HSD11B1: variants seen among roughly 807,000 people sequenced by gnomAD.
The protein encoded by HSD11B1 is 11-beta-hydroxysteroid dehydrogenase 1.
Under a neutral mutation model 22.1 loss-of-function variants are expected in HSD11B1, and 15 were observed. The ratio of observed to expected loss-of-function variants is 0.68; its 90% CI spans 0.45 to 1.04. The LOEUF (loss-of-function observed/expected upper bound fraction) is 1.04, where lower values mean the gene tolerates loss of function less well. Among genes scored for constraint, HSD11B1 ranks in the 50% least tolerant of loss-of-function variants. HSD11B1 has a pLI of 0.00. For synonymous variants in HSD11B1, 122 were observed against 125.2 expected, an observed-to-expected ratio of 0.97 and a Z score of 0.17; for missense variants, 281 against 357.6, an observed-to-expected ratio of 0.79 and a Z score of 1.73.
chr1:209,722,043 T>C (rs1024069140), intron 4 of HSD11B1, among the ~76,000 whole-genome samples: 3 of 151,994 alleles, frequency 2.0e-5, no homozygotes, highest in African/African-American at 7.2e-5. Flanking sequence ...TATCCAAGGG[T>C]GATTTAGGCT....
In HSD11B1 at chr1:209,705,143, G is replaced by A. The variant is rs568789035; in HGVS notation, c.88+113G>A. The A allele has an allele frequency of 2.2e-4, 188 of 852,008 alleles. 1 individual carries two copies. Among genetic ancestry groups the A allele is most frequent in the East Asian group, 3.0e-4 (12 of 40,442 alleles). The allele number at this position is 852,008 out of a possible 1,614,324, so 52.8% of individuals were successfully genotyped here. A position where few individuals can be genotyped will look rare whatever the true frequency, so the allele number is the denominator to read the frequency against. On this transcript the variant is annotated intron_variant, in intron 1 of 5. Transcript: ENST00000367027. ...GATCCTCAAAGTTGGTGAAAATGAG[G>A]GAACCCTGAGTTAAGATGGTATTTT...
chr1:209,691,831 A>T (rs1470571966), intron 1 of HSD11B1, among the ~76,000 whole-genome samples: 1 of 152,230 alleles, frequency 6.6e-6, no homozygotes, highest in Non-Finnish European at 1.5e-5. Flanking sequence ...CCTTAGCAGG[A>T]AATGAATAAG....
At chr1:209,714,427 C>CT (rs1400599370) in intron 4 of HSD11B1, among the ~76,000 whole-genome samples, 1 of 152,212 alleles carries the variant, frequency 6.6e-6, no homozygotes, top group African/African-American at 2.4e-5. Context: ...TCATTCATCT[C>CT]TGATTCCCTG....
chr1:209,706,072 T>C lies in HSD11B1; in HGVS notation c.219+131T>C. On this transcript the variant is annotated intron_variant, in intron 2 of 5. Transcript: ENST00000367027. The surrounding 1 kb of genome is among the most constrained non-coding windows in gnomAD (Gnocchi z 4.0). ...GAGGCACATGCACACACACAGACACTTAATTTTGCACTCTCATATATAGAT... is the reference window on the plus strand; with the variant it reads ...GAGGCACATGCACACACACAGACACCTAATTTTGCACTCTCATATATAGAT... The C allele has an allele frequency of 1.7e-6, 2 of 1,194,980 alleles. No individual in the cohort carries two copies. Among genetic ancestry groups the C allele is most frequent in the Non-Finnish European group, 2.4e-6 (2 of 819,760 alleles). The allele number at this position is 1,194,980 out of a possible 1,614,324, so 74.0% of individuals were successfully genotyped here.
chr1:209,707,179 A>T, intron 4 of HSD11B1, 51 bp downstream of exon 4: 7 of 1,416,454 alleles, frequency 4.9e-6, no homozygotes, highest in South Asian at 1.2e-5. Flanking sequence ...AAAAAATGCC[A>T]GGGATGATGC....
chr1:209,732,292 G>A (rs761378291), intron 4 of HSD11B1, 144 bp from the exon 5 acceptor site: 102 of 865,874 alleles, frequency 1.2e-4, no homozygotes, highest in Non-Finnish European at 1.7e-4. Context: ...ATTCAACACA[G>A]CAGTATAACT....
At position 209,719,019 on chromosome 1, in the gene HSD11B1, C is replaced by CAAAAAAAAAAAAAAAAA. The variant is rs56342028; in HGVS notation, c.517+11892_517+11908dup. 5.3e-4 allele frequency among the ~76,000 whole-genome samples: 19 copies of CAAAAAAAAAAAAAAAAA among 35,678 alleles called. 1 individual carries two copies. Among genetic ancestry groups the CAAAAAAAAAAAAAAAAA allele is most frequent in the Admixed American group, 9.7e-4 (2 of 2,054 alleles). 23.4% of individuals were successfully genotyped at this position (35,678 alleles called of 152,430 possible). A position where few individuals can be genotyped will look rare whatever the true frequency, so the allele number is the denominator to read the frequency against. On this transcript the variant is annotated intron_variant, in intron 4 of 5. Transcript: ENST00000367027. ...TGGGTGACACAGTGAGACTCCATCT[C>CAAAAAAAAAAAAAAAAA]AAAAAAAAAAAAAAAAAGGAAAGAA... is the stretch of plus-strand genomic sequence containing the variant.
chr1:209,697,108 T>C lies in HSD11B1; in HGVS notation c.-48-7787T>C, dbSNP rs140907452. 1.4e-3 allele frequency among the ~76,000 whole-genome samples: 212 copies of C among 152,364 alleles called. 2 individuals carry two copies. Among genetic ancestry groups the C allele is most frequent in the Middle Eastern group, 6.8e-3 (2 of 294 alleles). On this transcript the variant is annotated intron_variant, in intron 1 of 6. Coordinates refer to the HSD11B1 transcript ENST00000261465. ...TACAGACTCCAACAGTGGGCATTCA[T>C]GGCCCTCAAAGATGTGCCTCTGCTT...
rs2076901438 is a variant in HSD11B1 at position 209,712,075 on chromosome 1, T to C, written c.517+4947T>C. Among the ~76,000 whole-genome samples the C allele has an allele frequency of 2.0e-5, 3 of 152,198 alleles. 1 individual carries two copies. In the South Asian group the frequency reaches 6.2e-4, roughly 31 times the overall value. On this transcript the variant is annotated intron_variant, in intron 4 of 5. Coordinates refer to ENST00000367027, the MANE Select transcript of HSD11B1 (RefSeq NM_005525.4). Reference sequence around the variant, plus strand: ...TAGCAAGGTTCTACCATCATTTGTATCTTTACGTTTCCTTACCAAGGAGTT... The same window carrying C: ...TAGCAAGGTTCTACCATCATTTGTACCTTTACGTTTCCTTACCAAGGAGTT...
At chr1:209,703,995 C>T (rs372521949), upstream of HSD11B1, among the ~76,000 whole-genome samples, 47 of 152,316 alleles carry the variant, frequency 3.1e-4, no homozygotes, top group South Asian at 8.9e-3. Context: ...TTACCACCCT[C>T]GTCCTTTTAC....
At chr1:209,702,468 T>C (rs1364368377), upstream of HSD11B1, among the ~76,000 whole-genome samples, 1 of 152,166 alleles carries the variant, frequency 6.6e-6, no homozygotes, top group Non-Finnish European at 1.5e-5. Flanking sequence ...GGACACAAAG[T>C]GGATTAGATG....
At chr1:209,721,103 G>A (rs577921765) in intron 4 of HSD11B1, among the ~76,000 whole-genome samples, 2 of 152,290 alleles carry the variant, frequency 1.3e-5, no homozygotes, top group East Asian at 1.9e-4. Context: ...AAGAGGCAAG[G>A]AAGCACTCTC....
At chr1:209,698,477 A>G (rs2076806703) in intron 1 of HSD11B1, among the ~76,000 whole-genome samples, 1 of 152,206 alleles carries the variant, frequency 6.6e-6, no homozygotes, top group African/African-American at 2.4e-5. Context: ...GGGCTGGCCA[A>G]CCAAGAAAAA....
Position 209,732,363 on chromosome 1 carries a change from A to G in HSD11B1, c.518-73A>G, listed in dbSNP as rs114479976. 2,687 of 1,543,300 alleles carry G rather than the reference A, an allele frequency of 1.7e-3. 24 individuals are homozygous for G. In the African/African-American group the frequency reaches 0.027, roughly 16 times the overall value. ...GGTAAAAGGACACCATAGGAGTTAC[A>G]AAGCCTACTACAGCTCTGTAAGAAG... On this transcript the variant is annotated intron_variant, in intron 4 of 5. Transcript: ENST00000367027.
intron 4 of HSD11B1, among the ~76,000 whole-genome samples, chr1:209,714,557 C>T (rs987370521): frequency 3.3e-5 from 5 of 152,210 alleles, no homozygotes; most frequent in Non-Finnish European, 5.9e-5. Flanking sequence ...TGGAGACTCA[C>T]AGTCATATTT....
At chr1:209,688,383 A>G (rs1558183834) in intron 1 of HSD11B1, among the ~76,000 whole-genome samples, 1 of 152,136 alleles carries the variant, frequency 6.6e-6, no homozygotes, top group Non-Finnish European at 1.5e-5. Context: ...CATTCCTATT[A>G]TAGTATACAT....
In HSD11B1 at chr1:209,734,212, C is replaced by A. The variant is rs2077053104; in HGVS notation, c.662-92C>A. On this transcript the variant is annotated intron_variant, in intron 5 of 5. Coordinates refer to ENST00000367027, the MANE Select transcript of HSD11B1 (RefSeq NM_005525.4). ...CTTGCAGAGCAAACACTGCCAAAAG[C>A]CCCTGACAGCTAAGTGGTTGATGTC... 3 of 959,774 alleles carry A rather than the reference C, an allele frequency of 3.1e-6. No homozygotes were observed. In the South Asian group the frequency reaches 4.2e-5, roughly 13 times the overall value. The allele number at this position is 959,774 out of a possible 1,614,324, so 59.5% of individuals were successfully genotyped here. A position where few individuals can be genotyped will look rare whatever the true frequency, so the allele number is the denominator to read the frequency against.
At chr1:209,700,993 C>T (rs2076823297), upstream of HSD11B1, among the ~76,000 whole-genome samples, 1 of 152,206 alleles carries the variant, frequency 6.6e-6, no homozygotes, top group Admixed American at 6.5e-5. Flanking sequence ...TTTGTCAAAG[C>T]TATTCAACAA....
In HSD11B1 at chr1:209,706,198, T is replaced by C. The variant is rs1452602088; in HGVS notation, c.219+257T>C. Among the ~76,000 whole-genome samples the C allele has an allele frequency of 1.3e-5, 2 of 152,224 alleles. No individual in the cohort carries two copies. Among genetic ancestry groups the C allele is most frequent in the Admixed American group, 1.3e-4 (2 of 15,284 alleles). ...TCTGCAACAGAGTCCTTGAGTTATA[T>C]ATGCTCACAGACATGCCTAGTCACA... On this transcript the variant is annotated intron_variant, in intron 2 of 5. Coordinates refer to ENST00000367027, the MANE Select transcript of HSD11B1 (RefSeq NM_005525.4). This position sits in a 1 kb window ranked among gnomAD's most constrained non-coding sequence, Gnocchi z 4.0.
Sources: gnomAD v4.1 joint callset for allele counts (sites outside exome capture counted in the v4.1 genomes callset) on GRCh38, gnomAD v4.1.1 for gene constraint, Gnocchi (gnomAD v3.1) non-coding constraint, MANE v1.5 for transcripts, NCBI Gene and HGNC (gene_info 2026-07-23, HGNC 2026-07-21) for gene names.